HOMER1: variants seen among roughly 807,000 people sequenced by gnomAD.
HOMER1 encodes homer scaffold protein 1.
HOMER1 carries 3 observed loss-of-function variants against 48.9 expected under a neutral mutation model. The observed-to-expected ratio is 0.06, with a 90% CI of 0.03 to 0.16. The LOEUF (loss-of-function observed/expected upper bound fraction) is 0.16, where lower values mean the gene tolerates loss of function less well. Ranked by LOEUF, HOMER1 falls within the 10% of genes least tolerant of loss-of-function variation. The pLI, the probability that HOMER1 is intolerant of heterozygous loss-of-function variation, is 1.00. For synonymous variants in HOMER1, 134 were observed against 146.4 expected, an observed-to-expected ratio of 0.92 and a Z score of 0.61; for missense variants, 247 against 411.4, an observed-to-expected ratio of 0.60 and a Z score of 3.46.
At chr5:79,437,389 T>G (rs1260719753) in intron 5 of HOMER1, among the ~76,000 whole-genome samples, 1 of 152,232 alleles carries the variant, frequency 6.6e-6, no homozygotes, top group Non-Finnish European at 1.5e-5. Context: ...GTAAAATATT[T>G]TTTAAAATTG....
At chr5:79,490,169 C>T (rs1386864181) in intron 1 of HOMER1, among the ~76,000 whole-genome samples, 1 of 152,202 alleles carries the variant, frequency 6.6e-6, no homozygotes, top group South Asian at 2.1e-4. Flanking sequence ...ACTCAGTAGA[C>T]ATTTGTTAAA....
intron 5 of HOMER1, among the ~76,000 whole-genome samples, chr5:79,422,611 CA>C (rs149190639): frequency 4.9e-4 from 66 of 135,004 alleles, no homozygotes; most frequent in Non-Finnish European, 5.2e-4. Flanking sequence ...AGACAATTGT[CA>C]AAAAAAAAAG....
intron 1 of HOMER1, among the ~76,000 whole-genome samples, chr5:79,501,476 C>T (rs1207483983): frequency 2.0e-5 from 3 of 152,124 alleles, no homozygotes; most frequent in Admixed American, 6.5e-5. Flanking sequence ...CTCTAACCCC[C>T]ACCATGTTCA....
Position 79,447,106 on chromosome 5 carries a change from G to T in HOMER1, c.334C>A (p.Leu112Ile). Residue 112 changes from leucine to isoleucine, a missense_variant, in exon 4 of 9, where the codon CTA becomes ATA. By Grantham distance (5) the Leu-to-Ile change is conservative. Transcript: ENST00000334082. Reference sequence around the variant, plus strand: ...TTCTCTTGTGATTTTTCCTTTGCTAGTCGAGCAGCTTCTTTAAATTCCTGA... The same window carrying T: ...TTCTCTTGTGATTTTTCCTTTGCTATTCGAGCAGCTTCTTTAAATTCCTGA... ...KFQEFKEAARLAKEKSQEKME... is the reference protein window; with the variant it reads ...KFQEFKEAARIAKEKSQEKME... 6.2e-7 allele frequency: 1 copy of T among 1,613,150 alleles called. No homozygotes were observed. The highest frequency in any genetic ancestry group is 8.5e-7 in the Non-Finnish European group (1 of 1,179,418).
intron 6 of HOMER1, 82 bp from the exon 7 acceptor site, chr5:79,397,719 AATAGT>A (rs1346213073): frequency 2.2e-5 from 16 of 727,108 alleles, no homozygotes; most frequent in Admixed American, 1.2e-4. Context: ...CAAATAAGTG[AATAGT>A]ATATTCTGAA....
At chr5:79,482,631 T>TG (rs1294652714) in intron 1 of HOMER1, among the ~76,000 whole-genome samples, 4 of 151,872 alleles carry the variant, frequency 2.6e-5, no homozygotes. Context: ...ATAGTACTAA[T>TG]GTGATTGATT....
At chr5:79,493,555 C>T (rs1350601169) in intron 1 of HOMER1, among the ~76,000 whole-genome samples, 1 of 138,024 alleles carries the variant, frequency 7.2e-6, no homozygotes, top group East Asian at 2.0e-4. Flanking sequence ...ATGGAGGAAA[C>T]AGAGTCCATC....
chr5:79,389,860 ATC>A (rs1244885794), intron 8 of HOMER1, among the ~76,000 whole-genome samples: 1 of 152,370 alleles, frequency 6.6e-6, no homozygotes, highest in Non-Finnish European at 1.5e-5. Flanking sequence ...TTAAAAAATA[ATC>A]TGTTTAGTAT....
intron 1 of HOMER1, among the ~76,000 whole-genome samples, chr5:79,498,227 C>A (rs1313439677): frequency 6.6e-6 from 1 of 152,200 alleles, no homozygotes; most frequent in East Asian, 1.9e-4. Flanking sequence ...ATGGAGAAAC[C>A]CGTCTCTACT....
At chr5:79,422,812 C>T (rs2112249392) in intron 5 of HOMER1, among the ~76,000 whole-genome samples, 1 of 147,478 alleles carries the variant, frequency 6.8e-6, no homozygotes, top group Admixed American at 6.8e-5. Flanking sequence ...TAAATGGACT[C>T]TTAAAAGATG....
chr5:79,376,853 G>A (rs1299777938), intron 8 of HOMER1, among the ~76,000 whole-genome samples: 6 of 152,012 alleles, frequency 3.9e-5, no homozygotes, highest in Admixed American at 6.6e-5. Context: ...AATGACAAAA[G>A]GAAATCAAAT....
intron 1 of HOMER1, among the ~76,000 whole-genome samples, chr5:79,483,745 C>T (rs767599125): frequency 5.8e-5 from 8 of 138,968 alleles, no homozygotes; most frequent in Non-Finnish European, 9.0e-5. Flanking sequence ...GATAATTGAC[C>T]GTTTAAGTAA....
At chr5:79,422,024 C>T (rs1750115599) in intron 5 of HOMER1, among the ~76,000 whole-genome samples, 1 of 152,054 alleles carries the variant, frequency 6.6e-6, no homozygotes, top group African/African-American at 2.4e-5. Context: ...GTCAGGAGTT[C>T]GAGACCAGCC....
chr5:79,376,243 T>G, intron 8 of HOMER1, 46 bp from the exon 9 acceptor site: 7 of 1,366,374 alleles, frequency 5.1e-6, no homozygotes, highest in Non-Finnish European at 6.1e-6. Context: ...ATTCATCACT[T>G]AGAAAACAAT....
At position 79,434,035 on chromosome 5, in the gene HOMER1, T is replaced by C. The variant is rs564766142; in HGVS notation, c.527+4975A>G. Among the ~76,000 whole-genome samples, 6 of 152,232 alleles carry C rather than the reference T, an allele frequency of 3.9e-5. No individual in the cohort carries two copies. In the South Asian group the frequency reaches 1.2e-3, roughly 32 times the overall value. ...ACACGTTATCTAAACATTAGAAGAA[T>C]CTAAATATAACCAGTGTTTAAAAGA... On this transcript the variant is annotated intron_variant, in intron 5 of 8. Coordinates refer to ENST00000334082, the MANE Select transcript of HOMER1 (RefSeq NM_004272.5).
intron 3 of HOMER1, 72 bp from the exon 4 acceptor site, chr5:79,447,217 G>A: frequency 2.2e-6 from 2 of 890,680 alleles, no homozygotes; most frequent in Admixed American, 3.8e-5. Flanking sequence ...CCTTAGTAAA[G>A]TTATTCATTT....
intron 4 of HOMER1, among the ~76,000 whole-genome samples, chr5:79,444,323 C>A (rs1158910199): frequency 6.6e-6 from 1 of 152,172 alleles, no homozygotes; most frequent in African/African-American, 2.4e-5. Context: ...CCCACCTTAG[C>A]CTCATGAGTA....
At chr5:79,444,611 G>C (rs1750826524) in intron 4 of HOMER1, among the ~76,000 whole-genome samples, 2 of 152,154 alleles carry the variant, frequency 1.3e-5, no homozygotes, top group Admixed American at 6.5e-5. Context: ...GGTGTTAGCA[G>C]CAACTTATAA....
intron 1 of HOMER1, among the ~76,000 whole-genome samples, chr5:79,503,034 G>A (rs536541040): frequency 7.2e-5 from 11 of 152,142 alleles, no homozygotes; most frequent in South Asian, 6.2e-4. Context: ...TGATCTGCCC[G>A]CCTTGGCCTC....
Sources: allele counts gnomAD v4.1 joint callset (sites outside exome capture counted in the v4.1 genomes callset), GRCh38; gene constraint gnomAD v4.1.1; transcripts MANE v1.5; gene names NCBI Gene and HGNC (gene_info 2026-07-23, HGNC 2026-07-21).